MED16: variants seen among roughly 807,000 people sequenced by gnomAD.
The protein encoded by MED16 is mediator complex subunit 16, also known as mediator of RNA polymerase II transcription subunit 16.
A neutral mutation model predicts 84.4 loss-of-function variants in MED16; 81 were observed. That is an observed-to-expected ratio of 0.96 (90% confidence interval 0.80 to 1.15). The LOEUF (loss-of-function observed/expected upper bound fraction) is 1.15, where lower values mean the gene tolerates loss of function less well. Among genes scored for constraint, MED16 ranks in the 50% most tolerant of loss-of-function variants. The pLI is 0.00. For synonymous variants in MED16, 897 were observed against 552.2 expected (o/e 1.62, Z -8.76); for missense variants, 1,585 against 1,245.9 (o/e 1.27, Z -4.10).
intron 1 of MED16, chr19:892,882 GCCC>G (rs2036668561): frequency 1.4e-4 from 1 of 7,050 alleles, no homozygotes; most frequent in African/African-American, 4.3e-4. Context: ...TGAGCCCCGA[GCCC>G]CGCGCCCCGC....
At chr19:892,881 AGCCCCGCGCCCCGCGCCCCGCGCCCCGC>A (rs568145217) in intron 1 of MED16, 177 bp downstream of exon 1, 3,063 of 137,960 alleles carry the variant, frequency 0.022, 81 homozygotes, top group Admixed American at 0.041. Context: ...CTGAGCCCCG[AGCCCCGCGCCCCGCGCCCCGCGCCCCGC>A]GCCCCGCGCC....
chr19:877,538 A>C (rs2036279241), intron 8 of MED16, among the ~76,000 whole-genome samples: 1 of 107,198 alleles, frequency 9.3e-6, no homozygotes, highest in Non-Finnish European at 2.1e-5. Flanking sequence ...GACCTCGCTC[A>C]ACAAGACGAA....
At chr19:872,191 C>A in intron 11 of MED16, 73 bp from the exon 12 acceptor site, 1 of 1,340,564 alleles carries the variant, frequency 7.5e-7, no homozygotes, top group East Asian at 2.5e-5. Flanking sequence ...GTCTTGGGGT[C>A]GGTGGAACCC....
chr19:892,775 C>A (rs552462335), intron 1 of MED16: 2 of 152,824 alleles, frequency 1.3e-5, no homozygotes, highest in South Asian at 3.9e-4. Context: ...CGAAGTCCCA[C>A]CAAGCGCCTT....
chr19:883,029 G>A lies in MED16; in HGVS notation c.986-1315C>T, dbSNP rs189716416. ...ACAGGAAACTCAACGCCCCAGCGCC[G>A]GGGGAGGCAGCTGCCATGACGACCA... On this transcript the variant is annotated intron_variant, in intron 6 of 15. Transcript: ENST00000325464. 9.9e-5 allele frequency among the ~76,000 whole-genome samples: 15 copies of A among 152,280 alleles called. No homozygotes were observed. In the East Asian group the frequency reaches 1.7e-3, roughly 18 times the overall value.
intron 4 of MED16, among the ~76,000 whole-genome samples, chr19:889,156 C>T (rs1041539286): frequency 1.2e-4 from 17 of 144,812 alleles, no homozygotes; most frequent in African/African-American, 4.7e-4. Context: ...AACTGTCCCC[C>T]CCAACCCTGG....
At chr19:882,204 C>T (rs951561417) in intron 6 of MED16, among the ~76,000 whole-genome samples, 1 of 152,252 alleles carries the variant, frequency 6.6e-6, no homozygotes, top group Non-Finnish European at 1.5e-5. Context: ...AATCTCAGGC[C>T]AAGCCTTAGC....
In MED16 at chr19:888,784, C is replaced by T. The variant is rs2036574249; in HGVS notation, c.447+854G>A. Among the ~76,000 whole-genome samples, 5 of 152,178 alleles carry T rather than the reference C, an allele frequency of 3.3e-5. No homozygotes were observed. In the South Asian group the frequency reaches 8.3e-4, roughly 25 times the overall value. The stretch of plus-strand genomic sequence containing the variant: ...TGCTGCGTGTACTGCGGCAATGCGC[C>T]GACAATGGCAGTCCCTGGGGAGGGA... On this transcript the variant is annotated intron_variant, in intron 4 of 15. Transcript: ENST00000325464.
At chr19:869,018 C>T (rs2035984693) in intron 13 of MED16, 72 bp from the exon 14 acceptor site, 6 of 1,355,792 alleles carry the variant, frequency 4.4e-6, no homozygotes, top group Non-Finnish European at 6.0e-6. Context: ...GGCATCTGTC[C>T]ACAGGCGGGG....
At chr19:881,851 CAGAAG>C in intron 6 of MED16, 137 bp from the exon 7 acceptor site, 1 of 1,061,760 alleles carries the variant, frequency 9.4e-7, no homozygotes, top group Non-Finnish European at 1.3e-6. Context: ...CTCCCATGCC[CAGAAG>C]ACCAGGCCCG....
chr19:869,030 T>C, intron 13 of MED16, 84 bp from the exon 14 acceptor site: 2 of 1,221,350 alleles, frequency 1.6e-6, no homozygotes, highest in South Asian at 2.9e-5. Flanking sequence ...CAGGCGGGGG[T>C]GGAGGGAATG....
chr19:872,083 C>T lies in MED16; in HGVS notation c.1941G>A (p.Arg647=). Residue 647 remains arginine (R), a synonymous_variant, in exon 12 of 16, where the codon CGG becomes CGA. Coordinates refer to ENST00000325464, the MANE Select transcript of MED16 (RefSeq NM_005481.3). ...SLLRPGHSFL[R]DGTSLGMLRE... Reference sequence around the variant, plus strand: ...GAAGCATGCCCAGCGAGGTGCCGTCCCGCAGAAAGCTGTGGCCCGGCCTCA... The same window carrying T: ...GAAGCATGCCCAGCGAGGTGCCGTCTCGCAGAAAGCTGTGGCCCGGCCTCA... 2 of 1,608,926 alleles carry T rather than the reference C, an allele frequency of 1.2e-6. No homozygotes were observed. The highest frequency in any genetic ancestry group is 1.7e-6 in the Non-Finnish European group (2 of 1,177,880).
In MED16 at chr19:881,542, C is replaced by T. The variant is rs368953303; in HGVS notation, c.1141+17G>A. On this transcript the variant is annotated intron_variant, in intron 7 of 15. Transcript: ENST00000325464. ...GTGAACTGAGGCCCCGCGTGGCTGC[C>T]GCTGGCTCCACCGTACCGAGGCCAG... The T allele has an allele frequency of 3.4e-5, 54 of 1,600,298 alleles. No individual in the cohort carries two copies. In the East Asian group the frequency reaches 5.4e-4, roughly 16 times the overall value.
intron 11 of MED16, chr19:872,863 G>T (rs1442005020): frequency 2.7e-6 from 2 of 735,524 alleles, no homozygotes; most frequent in Non-Finnish European, 3.4e-6. Flanking sequence ...CCTGGGAGGC[G>T]GGGCTTTGAG....
chr19:881,519 G>T, intron 7 of MED16, 40 bp downstream of exon 7: 1 of 1,586,814 alleles, frequency 6.3e-7, no homozygotes, highest in South Asian at 1.1e-5. Context: ...CCCCTGGTGT[G>T]AACTGAGGCC....
At chr19:883,893 C>G (rs1207872231) in intron 6 of MED16, among the ~76,000 whole-genome samples, 2 of 152,092 alleles carry the variant, frequency 1.3e-5, no homozygotes, top group Admixed American at 1.3e-4. Flanking sequence ...GGAACGAGCC[C>G]TGGGAGAAGG....
chr19:868,723 G>C, intron 14 of MED16, 140 bp downstream of exon 14: 1 of 1,093,878 alleles, frequency 9.1e-7, no homozygotes, highest in Non-Finnish European at 1.3e-6. Context: ...CACATCCTGG[G>C]ATCCTGGCTC....
At chr19:884,875 G>A (rs1014084683) in intron 6 of MED16, 28 bp downstream of exon 6, 20 of 1,569,432 alleles carry the variant, frequency 1.3e-5, no homozygotes, top group Non-Finnish European at 1.6e-5. Flanking sequence ...GGCAGGCCCA[G>A]GGCCTCCGCA....
chr19:884,851 C>G, intron 6 of MED16, 52 bp downstream of exon 6: 4 of 1,459,626 alleles, frequency 2.7e-6, no homozygotes. Context: ...AAATAAAAAC[C>G]AACCGCCCCC....
Sources: allele counts gnomAD v4.1 joint callset (sites outside exome capture counted in the v4.1 genomes callset), GRCh38; gene constraint gnomAD v4.1.1; transcripts MANE v1.5; gene names NCBI Gene and HGNC (gene_info 2026-07-23, HGNC 2026-07-21).